Variants in MAF observed in about 807,000 individuals in gnomAD.
MAF encodes the protein MAF bZIP transcription factor.
Under a neutral mutation model 22.0 loss-of-function variants are expected in MAF, and 10 were observed. The observed-to-expected ratio is 0.45, with a 90% confidence interval of 0.28 to 0.77. MAF has a LOEUF of 0.77. Among genes scored for constraint, MAF ranks in the 30% least tolerant of loss-of-function variants. The pLI is 0.12. For synonymous variants in MAF, 337 were observed against 255.8 expected, an observed-to-expected ratio of 1.32 and a Z score of -3.03; for missense variants, 544 against 548.4, an observed-to-expected ratio of 0.99 and a Z score of 0.08.
chr16:79,226,238 A>T, the MAF span, among the ~76,000 whole-genome samples: 1 of 152,232 alleles, frequency 6.6e-6, no homozygotes, highest in East Asian at 1.9e-4. Context: ...AGGGACATGG[A>T]TGAAGCTGAA....
At chr16:79,320,008 T>C in the MAF span, among the ~76,000 whole-genome samples, 1 of 152,134 alleles carries the variant, frequency 6.6e-6, no homozygotes, top group African/African-American at 2.4e-5. Flanking sequence ...GCCCAGGTGA[T>C]ATCCATGGGT....
At chr16:79,213,259 G>A in the MAF span, among the ~76,000 whole-genome samples, 3 of 152,032 alleles carry the variant, frequency 2.0e-5, no homozygotes, top group Non-Finnish European at 4.4e-5. Context: ...ACAATGTCTT[G>A]AACTTCTGTG....
downstream of MAF, among the ~76,000 whole-genome samples, chr16:79,584,172 C>A (rs1028530730): frequency 6.6e-6 from 1 of 151,976 alleles, no homozygotes; most frequent in African/African-American, 2.4e-5. Flanking sequence ...ATATCCTAGC[C>A]TAGAAAATTG....
At chr16:79,354,180 A>G in the MAF span, among the ~76,000 whole-genome samples, 34 of 151,648 alleles carry the variant, frequency 2.2e-4, no homozygotes, top group African/African-American at 6.8e-4. Flanking sequence ...TTCAGTAGAG[A>G]TAGAGTTTTG....
the MAF span, among the ~76,000 whole-genome samples, chr16:79,210,251 A>G: frequency 8.1e-4 from 123 of 152,344 alleles, 1 homozygote; most frequent in African/African-American, 2.9e-3. Context: ...AACAATGACA[A>G]CAACAAACCC....
chr16:79,572,608 T>C, the MAF span, among the ~76,000 whole-genome samples: 1 of 152,208 alleles, frequency 6.6e-6, no homozygotes, highest in African/African-American at 2.4e-5. Flanking sequence ...CAGAAGTGGC[T>C]TCAGAGGAGG....
the MAF span, among the ~76,000 whole-genome samples, chr16:79,386,857 C>T: frequency 3.3e-5 from 5 of 151,968 alleles, no homozygotes; most frequent in African/African-American, 1.2e-4. Flanking sequence ...AAATAAGAGC[C>T]CAATTTGGTT....
At chr16:79,519,915 C>T in the MAF span, among the ~76,000 whole-genome samples, 3 of 152,234 alleles carry the variant, frequency 2.0e-5, no homozygotes, top group African/African-American at 7.2e-5. Context: ...ATGTGTCCTC[C>T]ATCCGGGACA....
the MAF span, among the ~76,000 whole-genome samples, chr16:79,438,780 G>A: frequency 6.6e-6 from 1 of 152,116 alleles, no homozygotes; most frequent in African/African-American, 2.4e-5. Flanking sequence ...GAAAAGAAGC[G>A]CTAGGAAGAA....
At chr16:79,276,340 C>A in the MAF span, among the ~76,000 whole-genome samples, 1 of 152,040 alleles carries the variant, frequency 6.6e-6, no homozygotes. Context: ...GGGTCCCCAG[C>A]ACAGATTTGT....
chr16:79,227,853 G>T, the MAF span, among the ~76,000 whole-genome samples: 5 of 152,096 alleles, frequency 3.3e-5, no homozygotes, highest in Non-Finnish European at 7.4e-5. Flanking sequence ...TGAGTGGAGA[G>T]AAATCCTGGG....
chr16:79,316,644 C>T, the MAF span, among the ~76,000 whole-genome samples: 13 of 152,144 alleles, frequency 8.5e-5, no homozygotes, highest in Non-Finnish European at 1.6e-4. Context: ...TCCAGCATGC[C>T]AAGATATGCC....
At chr16:79,591,203 G>C (rs763878419), downstream of MAF, among the ~76,000 whole-genome samples, 3 of 152,154 alleles carry the variant, frequency 2.0e-5, no homozygotes, top group Non-Finnish European at 4.4e-5. Flanking sequence ...CTGGTAATCA[G>C]AATATTTAGA....
chr16:79,288,485 T>G, the MAF span, among the ~76,000 whole-genome samples: 1 of 152,128 alleles, frequency 6.6e-6, no homozygotes, highest in South Asian at 2.1e-4. Flanking sequence ...GTCATCACAG[T>G]TTAGCTCCAT....
At chr16:79,306,316 C>A in the MAF span, among the ~76,000 whole-genome samples, 4 of 152,178 alleles carry the variant, frequency 2.6e-5, no homozygotes, top group African/African-American at 9.6e-5. Flanking sequence ...ATGGAGACAG[C>A]AACAGTACCA....
the MAF span, among the ~76,000 whole-genome samples, chr16:79,241,694 G>A: frequency 0.17 from 25,276 of 151,814 alleles, 2,875 homozygotes; most frequent in African/African-American, 0.31. Flanking sequence ...TACGGACAAC[G>A]CCACAGAGAT....
chr16:79,404,191 G>C, the MAF span, among the ~76,000 whole-genome samples: 1 of 133,622 alleles, frequency 7.5e-6, no homozygotes, highest in Non-Finnish European at 1.5e-5. Context: ...TTCAGATGGA[G>C]TCTCATTCTG....
the MAF span, among the ~76,000 whole-genome samples, chr16:79,307,402 G>C: frequency 6.6e-6 from 1 of 152,188 alleles, no homozygotes; most frequent in Non-Finnish European, 1.5e-5. Flanking sequence ...ATGAGCTCAC[G>C]GGCTGGACTT....
At chr16:79,324,087 T>C in the MAF span, among the ~76,000 whole-genome samples, 2 of 152,196 alleles carry the variant, frequency 1.3e-5, no homozygotes, top group Non-Finnish European at 2.9e-5. Context: ...CAGTAAAGGT[T>C]AGCTTATGTT....
Sources: gnomAD v4.1 joint callset for allele counts (sites outside exome capture counted in the v4.1 genomes callset) on GRCh38, gnomAD v4.1.1 for gene constraint, MANE v1.5 for transcripts, NCBI Gene and HGNC (gene_info 2026-07-23, HGNC 2026-07-21) for gene names.